Variants in SLC9C1 observed in about 807,000 individuals in gnomAD.
SLC9C1 encodes the protein solute carrier family 9 member C1, also known as sodium/hydrogen exchanger 10.
SLC9C1 carries 97 observed loss-of-function variants against 140.9 expected under a neutral mutation model. The observed-to-expected ratio is 0.69, with a 90% confidence interval of 0.58 to 0.82. SLC9C1 has a LOEUF of 0.82. Among genes scored for constraint, SLC9C1 ranks in the 40% least tolerant of loss-of-function variants. SLC9C1 has a pLI of 0.00. For missense variants in SLC9C1, 1,340 were observed against 1,389.3 expected (o/e 0.96, Z 0.56); for synonymous variants, 440 against 442.6 (o/e 0.99, Z 0.07).
At chr3:112,190,021 T>G (rs1273568728) in intron 20 of SLC9C1, among the ~76,000 whole-genome samples, 1 of 152,214 alleles carries the variant, frequency 6.6e-6, no homozygotes, top group Non-Finnish European at 1.5e-5. Context: ...CTCCCACGAT[T>G]TGGCTCTCTG....
chr3:112,274,904 A>T lies in SLC9C1; in HGVS notation c.606T>A (p.His202Gln), dbSNP rs768688963. 26 of 1,550,464 alleles carry T rather than the reference A, an allele frequency of 1.7e-5. No individual in the cohort carries two copies. Among genetic ancestry groups the T allele is most frequent in the Admixed American group, 2.3e-5 (1 of 44,398 alleles). ...FDQRLQSKRN[H>Q]TLAEEIVGGI... is the part of the protein sequence containing the mutation. ...TTTTAAAAATATACTTACCTAAGGT[A>T]TGGTTTCTTTTACTTTGTAGTCTTT... Residue 202 changes from histidine (H) to glutamine (Q), a missense_variant, in exon 6 of 29, where the codon CAT becomes CAA. Coordinates refer to ENST00000305815, the MANE Select transcript of SLC9C1 (RefSeq NM_183061.3).
intron 15 of SLC9C1, among the ~76,000 whole-genome samples, chr3:112,212,056 G>A (rs1040226564): frequency 4.6e-5 from 7 of 152,310 alleles, no homozygotes; most frequent in East Asian, 3.9e-4. Context: ...AGCAATATTC[G>A]CTGTTCTGCA....
intron 23 of SLC9C1, among the ~76,000 whole-genome samples, chr3:112,176,341 A>G (rs576888250): frequency 6.6e-6 from 1 of 152,142 alleles, no homozygotes; most frequent in East Asian, 1.9e-4. Flanking sequence ...ATTAGTCCCA[A>G]TGTGTGTACC....
intron 28 of SLC9C1, among the ~76,000 whole-genome samples, chr3:112,145,562 T>C (rs912707546): frequency 6.6e-6 from 1 of 151,428 alleles, no homozygotes; most frequent in Non-Finnish European, 1.5e-5. Context: ...TCTGGTAGAA[T>C]TTGGCTGTGA....
At chr3:112,224,294 C>T (rs2078620944) in intron 13 of SLC9C1, among the ~76,000 whole-genome samples, 1 of 152,152 alleles carries the variant, frequency 6.6e-6, no homozygotes. Flanking sequence ...CCAACTGACA[C>T]CCTGGGACAT....
At chr3:112,270,723 T>C (rs943050621) in intron 6 of SLC9C1, among the ~76,000 whole-genome samples, 7 of 152,000 alleles carry the variant, frequency 4.6e-5, no homozygotes, top group African/African-American at 1.4e-4. Flanking sequence ...GGCTGAGGCA[T>C]GAGAATAGCT....
At position 112,204,312 on chromosome 3, in the gene SLC9C1, A is replaced by G; in HGVS notation, c.2078T>C (p.Ile693Thr). Residue 693 changes from isoleucine to threonine, a missense_variant, in exon 17 of 29, where the codon ATT becomes ACT. Coordinates refer to ENST00000305815, the MANE Select transcript of SLC9C1 (RefSeq NM_183061.3). ...AATATACTTAATGGTGTCTATTTCA[A>G]TAAGTATTACATGTAAGATGCCAAT... is the stretch of plus-strand genomic sequence containing the variant. Reference protein sequence around the residue: ...TLIGILHVILIEIDTIKYIFN... With the variant: ...TLIGILHVILTEIDTIKYIFN... 4 of 1,568,462 alleles carry G rather than the reference A, an allele frequency of 2.6e-6. No individual in the cohort carries two copies. Among genetic ancestry groups the G allele is most frequent in the Non-Finnish European group, 3.4e-6 (4 of 1,164,306 alleles).
chr3:112,146,904 C>A (rs1374581052), intron 28 of SLC9C1, among the ~76,000 whole-genome samples: 1 of 152,116 alleles, frequency 6.6e-6, no homozygotes, highest in Non-Finnish European at 1.5e-5. Flanking sequence ...GAGTTAAAGT[C>A]CCTCACTAGT....
intron 27 of SLC9C1, among the ~76,000 whole-genome samples, chr3:112,153,329 C>T (rs1224942406): frequency 6.8e-6 from 1 of 147,874 alleles, no homozygotes; most frequent in African/African-American, 2.5e-5. Flanking sequence ...TCTTCAATCC[C>T]TCCAAATATG....
At chr3:112,241,374 A>G (rs2079135047) in intron 11 of SLC9C1, among the ~76,000 whole-genome samples, 1 of 152,170 alleles carries the variant, frequency 6.6e-6, no homozygotes, top group Non-Finnish European at 1.5e-5. Flanking sequence ...AGAAATATCT[A>G]GGAATAGAGC....
At chr3:112,236,578 T>C (rs1343649455) in intron 12 of SLC9C1, among the ~76,000 whole-genome samples, 1 of 137,382 alleles carries the variant, frequency 7.3e-6, no homozygotes, top group Non-Finnish European at 1.6e-5. Flanking sequence ...CAATTTTAGA[T>C]CTTTCCTGCT....
intron 27 of SLC9C1, among the ~76,000 whole-genome samples, chr3:112,152,646 G>T (rs1464438324): frequency 6.6e-6 from 1 of 152,144 alleles, no homozygotes; most frequent in Non-Finnish European, 1.5e-5. Context: ...GGCTGTCTCA[G>T]TGGGGAGAAA....
At chr3:112,209,632 C>A (rs6805887) in intron 15 of SLC9C1, among the ~76,000 whole-genome samples, 114,815 of 152,034 alleles carry the variant, frequency 0.76, 43,752 homozygotes, top group East Asian at 0.99. Context: ...AGCTAATAAA[C>A]AAAATAGCAA....
chr3:112,266,913 G>C (rs1576482128), intron 7 of SLC9C1, among the ~76,000 whole-genome samples: 1 of 152,254 alleles, frequency 6.6e-6, no homozygotes, highest in East Asian at 1.9e-4. Flanking sequence ...ATCTGGTAAA[G>C]AAAGTTCTCC....
chr3:112,160,994 T>G (rs960676698), intron 26 of SLC9C1, among the ~76,000 whole-genome samples: 8 of 152,244 alleles, frequency 5.3e-5, no homozygotes, highest in Non-Finnish European at 1.0e-4. Flanking sequence ...TCATTGTGGT[T>G]TTGATTTGCA....
rs773428744 is a variant in SLC9C1 at position 112,152,528 on chromosome 3, A to G, written c.3418-565T>C. Among the ~76,000 whole-genome samples the G allele has an allele frequency of 4.0e-5, 6 of 151,652 alleles. No individual in the cohort carries two copies. The South Asian group carries it at 1.0e-3, about 26-fold the overall frequency. The stretch of plus-strand genomic sequence containing the variant: ...AGACAGATGCCTTCCTCTGATCTCA[A>G]CTGCAAAGAGGCCTTCCTCTTTCAC... On this transcript the variant is annotated intron_variant, in intron 27 of 28. Transcript: ENST00000305815.
chr3:112,218,473 C>T (rs543633594), intron 14 of SLC9C1, among the ~76,000 whole-genome samples: 6 of 151,656 alleles, frequency 4.0e-5, no homozygotes, highest in South Asian at 2.1e-4. Context: ...GGGATACTAA[C>T]GTAATTGAAA....
At chr3:112,234,405 A>C (rs2078924721) in intron 12 of SLC9C1, among the ~76,000 whole-genome samples, 1 of 151,132 alleles carries the variant, frequency 6.6e-6, no homozygotes, top group South Asian at 2.1e-4. Flanking sequence ...AGATTGCAAA[A>C]ATTTTCTCCT....
At chr3:112,146,365 C>T (rs1035708655) in intron 28 of SLC9C1, among the ~76,000 whole-genome samples, 7 of 151,968 alleles carry the variant, frequency 4.6e-5, no homozygotes, top group Non-Finnish European at 1.0e-4. Flanking sequence ...CTTTGTAGCT[C>T]ATTTGTTCTT....
Sources: allele counts gnomAD v4.1 joint callset (sites outside exome capture counted in the v4.1 genomes callset), GRCh38; gene constraint gnomAD v4.1.1; transcripts MANE v1.5; gene names NCBI Gene and HGNC (gene_info 2026-07-23, HGNC 2026-07-21).